NTRK3: variants seen among roughly 807,000 people sequenced by gnomAD.
NTRK3 encodes the protein neurotrophic receptor tyrosine kinase 3.
A neutral mutation model predicts 91.7 loss-of-function variants in NTRK3; 24 were observed. The ratio of observed to expected loss-of-function variants is 0.26; its 90% CI spans 0.19 to 0.37. The LOEUF (loss-of-function observed/expected upper bound fraction) is 0.37. Among genes scored for constraint, NTRK3 ranks in the 10% least tolerant of loss-of-function variants. NTRK3 has a pLI of 1.00. For synonymous variants in NTRK3, 483 were observed against 404.0 expected, an observed-to-expected ratio of 1.20 and a Z score of -2.34; for missense variants, 880 against 1,068.9, an observed-to-expected ratio of 0.82 and a Z score of 2.46.
chr15:88,088,612 AATAC>A (rs1345579448), intron 13 of NTRK3, among the ~76,000 whole-genome samples: 2 of 152,324 alleles, frequency 1.3e-5, no homozygotes, highest in East Asian at 3.9e-4. Flanking sequence ...ATTATCATAT[AATAC>A]ATAGTCATAG....
At chr15:88,137,303 G>C in intron 7 of NTRK3, 101 bp downstream of exon 7, 2 of 1,427,260 alleles carry the variant, frequency 1.4e-6, no homozygotes, top group Non-Finnish European at 1.9e-6. Context: ...AGGGCGTTTC[G>C]AAAGGAAGGC....
intron 16 of NTRK3, chr15:87,931,058 CT>C: frequency 2.8e-6 from 1 of 355,226 alleles, no homozygotes; most frequent in Non-Finnish European, 5.5e-6. Context: ...TTCTGTACTC[CT>C]TTTTCTTTTC....
In NTRK3 at chr15:88,020,007, T is replaced by G. The variant is rs1402597582; in HGVS notation, c.1585+12850A>C. On this transcript the variant is annotated intron_variant, in intron 14 of 18. Transcript: ENST00000394480. ...TTGCTAAGAAAAAACAAAAGGGCTG[T>G]GCACTCATGTCTAAGGACAAGCAAA... Among the ~76,000 whole-genome samples, 7 of 152,194 alleles carry G rather than the reference T, an allele frequency of 4.6e-5. No homozygotes were observed. The East Asian group carries it at 1.3e-3, about 29-fold the overall frequency.
rs564187476 is a variant in NTRK3 at position 88,134,965 on chromosome 15, T to C, written c.1204+136A>G. 3.3e-5 allele frequency: 35 copies of C among 1,056,018 alleles called. No individual in the cohort carries two copies. In the South Asian group the frequency reaches 4.2e-4, roughly 13 times the overall value. 65.4% of individuals were successfully genotyped at this position (1,056,018 alleles called of 1,614,324 possible). The stretch of plus-strand genomic sequence containing the variant: ...ACCAGATGCGGCTGGTGGTTGCACA[T>C]GTTCCAGTGTGTGTTTTGTTGCCCA... On this transcript the variant is annotated intron_variant, in intron 10 of 18. Transcript: ENST00000394480.
intron 14 of NTRK3, among the ~76,000 whole-genome samples, chr15:87,955,585 A>C (rs2071574495): frequency 6.6e-6 from 1 of 152,226 alleles, no homozygotes; most frequent in African/African-American, 2.4e-5. Context: ...GCAGCGAGTT[A>C]GTAGCTCTGT....
intron 13 of NTRK3, among the ~76,000 whole-genome samples, chr15:88,099,819 T>C (rs1234117226): frequency 2.6e-5 from 4 of 152,164 alleles, no homozygotes; most frequent in South Asian, 4.1e-4. Flanking sequence ...AACTGGAAAT[T>C]GAACGCTATG....
rs78976088 is a variant in NTRK3, at chr15:88,120,786, C to T, written c.1396+5485G>A. Among the ~76,000 whole-genome samples the T allele has an allele frequency of 5.9e-3, 898 of 152,294 alleles. 36 individuals are homozygous for T. The East Asian group carries it at 0.11, about 19-fold the overall frequency. On this transcript the variant is annotated intron_variant, in intron 13 of 18. Transcript: ENST00000394480. ...TGTATTCATAATCCAGCTTCATTTC[C>T]CTGACCCTCCCAGGTTCTCTGCACA...
At chr15:88,134,296 T>C (rs979234953) in intron 10 of NTRK3, among the ~76,000 whole-genome samples, 12 of 152,216 alleles carry the variant, frequency 7.9e-5, no homozygotes, top group Non-Finnish European at 1.0e-4. Flanking sequence ...TAAACTCTTT[T>C]GGTGTTTTTT....
At position 88,061,267 on chromosome 15, in the gene NTRK3, G is replaced by A. The variant is rs565628446; in HGVS notation, c.1397-28222C>T. ...TAACTTTCACCTGACCATGAAATCT[G>A]GACTTGCAACAGGAAAAGAGTACGG... On this transcript the variant is annotated intron_variant, in intron 13 of 18. Coordinates refer to ENST00000394480, the Ensembl canonical transcript of NTRK3. Among the ~76,000 whole-genome samples the A allele has an allele frequency of 1.8e-4, 28 of 152,272 alleles. No homozygotes were observed. The South Asian group carries it at 5.2e-3, about 28-fold the overall frequency.
intron 13 of NTRK3, among the ~76,000 whole-genome samples, chr15:88,116,171 C>G (rs2052044899): frequency 6.6e-6 from 1 of 152,076 alleles, no homozygotes. Flanking sequence ...TTACAAGTCC[C>G]GTCATGTGGA....
rs1186334105 is a variant in NTRK3, at chr15:88,255,152, C to A, written c.248+754G>T. On this transcript the variant is annotated intron_variant, in intron 3 of 18. Transcript: ENST00000394480. The surrounding 1 kb of genome is among the most constrained non-coding windows in gnomAD (Gnocchi z 4.3). ...AAACACACGCCCTCTCCTCTCCCTG[C>A]GCCATCCTGACTCGGAATAGTTCCG... is the stretch of plus-strand genomic sequence containing the variant. Among the ~76,000 whole-genome samples the A allele has an allele frequency of 1.3e-5, 2 of 152,166 alleles. No homozygotes were observed. Among genetic ancestry groups the A allele is most frequent in the Non-Finnish European group, 2.9e-5 (2 of 68,048 alleles).
At chr15:87,997,871 G>A (rs1596595777) in intron 14 of NTRK3, among the ~76,000 whole-genome samples, 1 of 152,158 alleles carries the variant, frequency 6.6e-6, no homozygotes, top group African/African-American at 2.4e-5. Context: ...ATGAGAACCA[G>A]ATGATGGTCT....
intron 12 of NTRK3, 102 bp downstream of exon 12, chr15:88,127,058 CAA>C (rs1421673847): frequency 9.9e-7 from 1 of 1,008,222 alleles, no homozygotes; most frequent in African/African-American, 1.6e-5. Context: ...TTTTTTTTTT[CAA>C]AGTTTCAAGT....
intron 14 of NTRK3, among the ~76,000 whole-genome samples, chr15:87,966,073 C>CACAA (rs1567162062): frequency 1.4e-5 from 2 of 139,198 alleles, no homozygotes; most frequent in Non-Finnish European, 3.1e-5. Flanking sequence ...GCAAAACTGT[C>CACAA]TCAAACAAAC....
At chr15:88,055,915 G>A (rs767336293) in intron 13 of NTRK3, among the ~76,000 whole-genome samples, 11 of 152,130 alleles carry the variant, frequency 7.2e-5, no homozygotes, top group Non-Finnish European at 1.3e-4. Context: ...GACTGAAAGG[G>A]ACTTCTATCT....
At chr15:88,006,677 C>T (rs547580593) in intron 14 of NTRK3, among the ~76,000 whole-genome samples, 25 of 152,284 alleles carry the variant, frequency 1.6e-4, no homozygotes, top group African/African-American at 3.1e-4. Flanking sequence ...TAAAAGAAAA[C>T]GGGCTAGTAC....
chr15:87,968,675 A>G (rs2072996985), intron 14 of NTRK3, among the ~76,000 whole-genome samples: 1 of 152,206 alleles, frequency 6.6e-6, no homozygotes, highest in Non-Finnish European at 1.5e-5. Context: ...TAAACTGACC[A>G]AAAGTTGACT....
chr15:87,875,627 C>T lies in NTRK3; in HGVS notation c.*1308G>A, dbSNP rs1051809087. On this transcript the variant is annotated 3_prime_UTR_variant, in exon 19 of 19. Coordinates refer to ENST00000394480, the Ensembl canonical transcript of NTRK3. ...CACAACAGCTCAAAGGCAGATGCAT[C>T]AATCCTCCCAGGGGCTGGAAACGTG... The T allele has an allele frequency of 1.7e-5, 4 of 232,864 alleles. No homozygotes were observed. The East Asian group carries it at 2.4e-4, about 14-fold the overall frequency. 14.4% of individuals were successfully genotyped at this position (232,864 alleles called of 1,614,324 possible).
intron 14 of NTRK3, among the ~76,000 whole-genome samples, chr15:87,992,397 C>G (rs917081723): frequency 1.4e-4 from 21 of 152,192 alleles, no homozygotes; most frequent in Admixed American, 1.1e-3. Context: ...CCGTTCAATC[C>G]TTTCACCCCC....
Sources: allele counts gnomAD v4.1 joint callset (sites outside exome capture counted in the v4.1 genomes callset), GRCh38; gene constraint gnomAD v4.1.1; non-coding constraint Gnocchi (gnomAD v3.1); transcripts MANE v1.5; gene names NCBI Gene and HGNC (gene_info 2026-07-23, HGNC 2026-07-21).